The following DOT1L variants were observed in gnomAD, a reference collection of about 807,000 sequenced individuals.
DOT1L encodes DOT1 like histone lysine methyltransferase.
DOT1L carries 33 observed loss-of-function variants against 153.3 expected under a neutral mutation model. The ratio of observed to expected loss-of-function variants is 0.22; its 90% CI spans 0.16 to 0.29. The LOEUF is 0.29. Ranked by LOEUF, DOT1L falls within the 10% of genes least tolerant of loss-of-function variation. DOT1L has a pLI of 1.00. For synonymous variants in DOT1L, 1,135 were observed against 965.1 expected, an observed-to-expected ratio of 1.18 and a Z score of -3.26; for missense variants, 1,847 against 2,119.9, an observed-to-expected ratio of 0.87 and a Z score of 2.53.
intron 3 of DOT1L, among the ~76,000 whole-genome samples, chr19:2,186,527 A>T (rs1599553535): frequency 6.6e-6 from 1 of 152,140 alleles, no homozygotes; most frequent in Non-Finnish European, 1.5e-5. Flanking sequence ...GTAGTCCTCC[A>T]TCAAGGGCTG....
At chr19:2,165,024 T>A (rs73514420) in intron 1 of DOT1L, among the ~76,000 whole-genome samples, 6,954 of 152,170 alleles carry the variant, frequency 0.046, 520 homozygotes, top group African/African-American at 0.16. Context: ...ACAGGCCGGG[T>A]GGAATGTTAC....
chr19:2,198,291 G>C (rs2023101480), intron 7 of DOT1L, among the ~76,000 whole-genome samples: 1 of 152,238 alleles, frequency 6.6e-6, no homozygotes, highest in African/African-American at 2.4e-5. Flanking sequence ...GGAGAGGGAG[G>C]AGACGGGTGT....
intron 8 of DOT1L, among the ~76,000 whole-genome samples, chr19:2,202,187 C>T (rs2023315825): frequency 6.6e-6 from 1 of 152,228 alleles, no homozygotes; most frequent in Non-Finnish European, 1.5e-5. Context: ...AGTGCTGGGC[C>T]TGCAGGGGAG....
rs757333505 is a variant in DOT1L at position 2,214,613 on chromosome 19, G to T, written c.1923+17G>T. 8.7e-6 allele frequency: 14 copies of T among 1,609,386 alleles called. No individual in the cohort carries two copies. In the South Asian group the frequency reaches 1.5e-4, roughly 18 times the overall value. Reference sequence around the variant, plus strand: ...GAGCTGCAGGTGGGCTGCGCGCGAGGCTGCACTCCGTGGTGTCCGAGCCTC... The same window carrying T: ...GAGCTGCAGGTGGGCTGCGCGCGAGTCTGCACTCCGTGGTGTCCGAGCCTC... On this transcript the variant is annotated intron_variant, in intron 19 of 27. Transcript: ENST00000398665.
intron 2 of DOT1L, among the ~76,000 whole-genome samples, 187 bp from the exon 3 acceptor site, chr19:2,185,668 C>G (rs937735016): frequency 2.0e-5 from 3 of 152,146 alleles, no homozygotes; most frequent in South Asian, 2.1e-4. Context: ...ACTTGGGAGG[C>G]TGAGGCAGGA....
At chr19:2,228,735 C>G (rs893889982) in intron 27 of DOT1L, 13 of 985,282 alleles carry the variant, frequency 1.3e-5, no homozygotes, top group Middle Eastern at 1.0e-3. Context: ...CTCCAGGGCT[C>G]CATCCGCACC....
At chr19:2,194,754 A>G (rs781214733) in intron 7 of DOT1L, among the ~76,000 whole-genome samples, 177 bp downstream of exon 7, 1 of 152,096 alleles carries the variant, frequency 6.6e-6, no homozygotes, top group African/African-American at 2.4e-5. Flanking sequence ...AGCCGGCAGC[A>G]GGCGCCTCTG....
rs933040417 is a variant in DOT1L, at chr19:2,208,259, C to G, written c.963+579C>G. Among the ~76,000 whole-genome samples, 1 of 152,152 alleles carries G rather than the reference C, an allele frequency of 6.6e-6. No individual in the cohort carries two copies. The highest frequency in any genetic ancestry group is 2.4e-5 in the African/African-American group (1 of 41,450). On this transcript the variant is annotated intron_variant, in intron 11 of 27. Transcript: ENST00000398665. This position sits in a 1 kb window ranked among gnomAD's most constrained non-coding sequence, Gnocchi z 4.4. ...CCAGCCCTCCAGGGCTGGGAGGCTT[C>G]CCCTGGTCTCTTTCCCGTCCTTTGG...
chr19:2,164,314 C>G, intron 1 of DOT1L, 49 bp downstream of exon 1: 1 of 1,214,452 alleles, frequency 8.2e-7, no homozygotes, highest in Non-Finnish European at 1.0e-6. Context: ...CCCTCCTCCG[C>G]CGCCCCTGGG....
intron 8 of DOT1L, among the ~76,000 whole-genome samples, chr19:2,201,668 C>T (rs1324029659): frequency 6.6e-6 from 1 of 152,216 alleles, no homozygotes. Flanking sequence ...GTGGTGGGAG[C>T]GCAGGGGGAC....
chr19:2,181,671 C>T (rs975091244), intron 2 of DOT1L, among the ~76,000 whole-genome samples: 3 of 152,072 alleles, frequency 2.0e-5, no homozygotes, highest in African/African-American at 7.3e-5. Flanking sequence ...GGAGTAGGGG[C>T]CCCTCTGTTC....
intron 2 of DOT1L, among the ~76,000 whole-genome samples, chr19:2,181,674 C>T (rs1271122660): frequency 3.3e-5 from 5 of 152,196 alleles, no homozygotes; most frequent in African/African-American, 7.2e-5. Context: ...GTAGGGGCCC[C>T]TCTGTTCTTT....
chr19:2,195,686 C>G (rs1039707473), intron 7 of DOT1L, among the ~76,000 whole-genome samples: 5 of 152,144 alleles, frequency 3.3e-5, no homozygotes, highest in African/African-American at 1.2e-4. Context: ...GGGCGGGCAC[C>G]AGGTCACCAC....
intron 27 of DOT1L, chr19:2,229,084 C>G: frequency 1.0e-6 from 1 of 985,454 alleles, no homozygotes; most frequent in Non-Finnish European, 1.2e-6. Context: ...GCTCAGATGT[C>G]AGCACCAAGC....
chr19:2,210,046 T>A (rs916988963), intron 12 of DOT1L, among the ~76,000 whole-genome samples: 48 of 152,260 alleles, frequency 3.2e-4, no homozygotes, highest in African/African-American at 1.1e-3. Context: ...CAGGGGAGGC[T>A]GTGGGCTGTG....
rs2144814717 is a variant in DOT1L at position 2,207,548 on chromosome 19, C to T, written c.857-26C>T. On this transcript the variant is annotated intron_variant, in intron 10 of 27. Coordinates refer to ENST00000398665, the MANE Select transcript of DOT1L (RefSeq NM_032482.3). This position sits in a 1 kb window ranked among gnomAD's most constrained non-coding sequence, Gnocchi z 4.5. ...GGAGGGGCTGTGGGCAGGCGCAGGCCCCGGCCTCACCTGTGGCTCCTGCAG... is the reference window on the plus strand; with the variant it reads ...GGAGGGGCTGTGGGCAGGCGCAGGCTCCGGCCTCACCTGTGGCTCCTGCAG... 1 of 1,594,722 alleles carries T rather than the reference C, an allele frequency of 6.3e-7. No individual in the cohort carries two copies. The highest frequency in any genetic ancestry group is 8.5e-7 in the Non-Finnish European group (1 of 1,171,864).
intron 9 of DOT1L, among the ~76,000 whole-genome samples, chr19:2,203,651 C>G (rs559962887): frequency 2.6e-5 from 4 of 152,340 alleles, no homozygotes; most frequent in African/African-American, 9.6e-5. Flanking sequence ...CCCATGACAT[C>G]GATTCCAGTC....
At chr19:2,182,427 G>A (rs1478997189) in intron 2 of DOT1L, among the ~76,000 whole-genome samples, 1 of 152,188 alleles carries the variant, frequency 6.6e-6, no homozygotes, top group Non-Finnish European at 1.5e-5. Flanking sequence ...TGTGGTCCCA[G>A]CTACTTGCGG....
chr19:2,222,317 A>G lies in DOT1L; in HGVS notation c.3148A>G (p.Thr1050Ala). ...EAKRRIVFTI[T>A]TGAGSAKQSP... ...CAAGAGGAGGATTGTGTTCACCATCACCACTGGTGCGGGCAGTGCCAAGCA... is the reference window on the plus strand; with the variant it reads ...CAAGAGGAGGATTGTGTTCACCATCGCCACTGGTGCGGGCAGTGCCAAGCA... Residue 1050 changes from threonine to alanine, a missense_variant, in exon 24 of 28, where the codon ACC (threonine) becomes GCC (alanine). Physicochemically the swap from Thr to Ala is moderately conservative, Grantham distance 58. This residue lies in a region of DOT1L where 934 missense variants were observed against 825.3 expected (regional missense o/e 1.13). Transcript: ENST00000398665. This position sits in a 1 kb window ranked among gnomAD's most constrained non-coding sequence, Gnocchi z 6.5. The G allele has an allele frequency of 6.2e-7, 1 of 1,612,896 alleles. No homozygotes were observed. The highest frequency in any genetic ancestry group is 8.5e-7 in the Non-Finnish European group (1 of 1,179,878).
Sources: allele counts gnomAD v4.1 joint callset (sites outside exome capture counted in the v4.1 genomes callset), GRCh38; gene constraint gnomAD v4.1.1; regional missense constraint gnomAD v4.1.1; non-coding constraint Gnocchi (gnomAD v3.1); transcripts MANE v1.5; gene names NCBI Gene and HGNC (gene_info 2026-07-23, HGNC 2026-07-21).